Variants in WDR7 observed in about 807,000 individuals in gnomAD.
WDR7 encodes the protein WD repeat-containing protein 7.
In WDR7, 46 loss-of-function variants were observed where a neutral mutation model predicts 169.4. The observed-to-expected ratio is 0.27, with a 90% CI of 0.21 to 0.35. WDR7 has a LOEUF of 0.35. Ranked by LOEUF, WDR7 falls within the 10% of genes least tolerant of loss-of-function variation. The pLI is 1.00. For synonymous variants in WDR7, 612 were observed against 666.8 expected, an observed-to-expected ratio of 0.92 and a Z score of 1.27; for missense variants, 1,534 against 1,859.3, an observed-to-expected ratio of 0.83 and a Z score of 3.22.
chr18:56,996,098 A>G (rs1396151671), intron 26 of WDR7, among the ~76,000 whole-genome samples: 1 of 152,140 alleles, frequency 6.6e-6, no homozygotes, highest in African/African-American at 2.4e-5. Context: ...GTTTAGAAGT[A>G]TTTAATAAGG....
chr18:56,792,436 A>C (rs759581440), intron 19 of WDR7, among the ~76,000 whole-genome samples: 16 of 152,186 alleles, frequency 1.1e-4, no homozygotes, highest in Non-Finnish European at 2.2e-4. Context: ...CAGAGAGATC[A>C]CATAGCTTCT....
At chr18:56,924,145 T>C in intron 22 of WDR7, 37 bp downstream of exon 22, 1 of 1,602,580 alleles carries the variant, frequency 6.2e-7, no homozygotes, top group Non-Finnish European at 8.5e-7. Flanking sequence ...TTTGTCACTG[T>C]TTTTTGTTTT....
rs2045899931 is a variant in WDR7, at chr18:56,867,546, G to C, written c.3305-12398G>C. 2.0e-5 allele frequency among the ~76,000 whole-genome samples: 3 copies of C among 152,260 alleles called. No homozygotes were observed. In the South Asian group the frequency reaches 6.2e-4, roughly 32 times the overall value. ...CAAATCATTGGGAGGGAGATAGATAGGGAGGATTTTGAGGAAACGATTATG... is the reference window on the plus strand; with the variant it reads ...CAAATCATTGGGAGGGAGATAGATACGGAGGATTTTGAGGAAACGATTATG... On this transcript the variant is annotated intron_variant, in intron 20 of 27. Coordinates refer to ENST00000254442, the MANE Select transcript of WDR7 (RefSeq NM_015285.3).
intron 21 of WDR7, among the ~76,000 whole-genome samples, chr18:56,913,736 A>G (rs1418744694): frequency 6.6e-6 from 1 of 152,114 alleles, no homozygotes; most frequent in African/African-American, 2.4e-5. Flanking sequence ...TATAGGCTGC[A>G]GTGAACTGTG....
At position 56,939,365 on chromosome 18, in the gene WDR7, C is replaced by T. The variant is rs1298140873; in HGVS notation, c.4036C>T (p.Leu1346Phe). 1 of 1,577,436 alleles carries T rather than the reference C, an allele frequency of 6.3e-7. No homozygotes were observed. The highest frequency in any genetic ancestry group is 1.2e-5 in the South Asian group (1 of 83,588). Residue 1346 changes from leucine to phenylalanine, a missense_variant, in exon 25 of 28, where the codon CTT (leucine) becomes TTT (phenylalanine). Transcript: ENST00000254442. ...AGGATCTTTAGTTAAAAAGAAAGGT[C>T]TTCAAGAATGTTTCCCAGCCATCTG... ...LEGSLVKKKG[L>F]QECFPAICRF...
At chr18:56,985,440 A>G (rs1244239175) in intron 26 of WDR7, among the ~76,000 whole-genome samples, 1 of 152,144 alleles carries the variant, frequency 6.6e-6, no homozygotes, top group Non-Finnish European at 1.5e-5. Flanking sequence ...TGTGGTATAT[A>G]TTTGTTATAG....
intron 12 of WDR7, 144 bp from the exon 13 acceptor site, chr18:56,717,820 C>G (rs2026225613): frequency 1.6e-6 from 1 of 643,248 alleles, no homozygotes; most frequent in Non-Finnish European, 2.5e-6. Context: ...TATAAAGGAA[C>G]ATACTTTTCA....
At chr18:56,807,546 C>T (rs1330785021) in intron 19 of WDR7, among the ~76,000 whole-genome samples, 2 of 151,862 alleles carry the variant, frequency 1.3e-5, no homozygotes, top group Admixed American at 6.6e-5. Flanking sequence ...TTTATGCTAT[C>T]CCATTAATAT....
At chr18:56,713,137 T>C (rs1179655615) in intron 12 of WDR7, among the ~76,000 whole-genome samples, 3 of 152,206 alleles carry the variant, frequency 2.0e-5, no homozygotes, top group African/African-American at 7.2e-5. Context: ...GAAAAATCTC[T>C]TCATCGGCTA....
intron 21 of WDR7, among the ~76,000 whole-genome samples, chr18:56,923,678 C>A (rs1224052043): frequency 6.6e-6 from 1 of 152,180 alleles, no homozygotes; most frequent in Non-Finnish European, 1.5e-5. Context: ...TATATATACT[C>A]ATTTACGTAC....
At chr18:56,890,836 A>T (rs2145522499) in intron 21 of WDR7, 1 of 152,326 alleles carries the variant, frequency 6.6e-6, no homozygotes, top group South Asian at 2.1e-4. Context: ...TATCTTTGAA[A>T]ATCATCCTGG....
chr18:56,914,673 A>G (rs2043686), intron 21 of WDR7, among the ~76,000 whole-genome samples: 123,496 of 152,062 alleles, frequency 0.81, 50,610 homozygotes, highest in East Asian at 0.98. Flanking sequence ...CTCTTTGACC[A>G]CATAAACATC....
At position 56,880,017 on chromosome 18, in the gene WDR7, T is replaced by C. The variant is rs1242690707; in HGVS notation, c.3378T>C (p.Ala1126=). The C allele has an allele frequency of 6.2e-7, 1 of 1,614,028 alleles. No individual in the cohort carries two copies. Among genetic ancestry groups the C allele is most frequent in the African/African-American group, 1.3e-5 (1 of 74,938 alleles). ...AGGAAAGACGGAAGCAAGCTACCGCTATTGTTTTACTTGGAGTAATAGGAG... is the reference window on the plus strand; with the variant it reads ...AGGAAAGACGGAAGCAAGCTACCGCCATTGTTTTACTTGGAGTAATAGGAG... ...SYEERRKQAT[A]IVLLGVIGAE... Residue 1126 remains alanine, a synonymous_variant, in exon 21 of 28, where the codon GCT becomes GCC. Coordinates refer to ENST00000254442, the MANE Select transcript of WDR7 (RefSeq NM_015285.3).
chr18:56,818,914 T>C (rs944435212), intron 20 of WDR7, among the ~76,000 whole-genome samples: 21 of 152,352 alleles, frequency 1.4e-4, no homozygotes, highest in African/African-American at 4.3e-4. Flanking sequence ...AATTATATCA[T>C]GACAGGTATT....
chr18:56,708,722 G>C (rs2026017325), intron 12 of WDR7, among the ~76,000 whole-genome samples: 1 of 152,144 alleles, frequency 6.6e-6, no homozygotes, highest in Non-Finnish European at 1.5e-5. Context: ...ATCACCTGAG[G>C]TCAGGAGTTT....
chr18:57,006,513 TATC>T (rs1226153993), intron 26 of WDR7, among the ~76,000 whole-genome samples: 1 of 152,206 alleles, frequency 6.6e-6, no homozygotes, highest in Non-Finnish European at 1.5e-5. Context: ...TAGTTTTGCT[TATC>T]ATTAGGCAGT....
chr18:57,023,724 A>T (rs2048321348), intron 27 of WDR7, among the ~76,000 whole-genome samples: 1 of 152,204 alleles, frequency 6.6e-6, no homozygotes, highest in Non-Finnish European at 1.5e-5. Flanking sequence ...ACTTCTCTGT[A>T]TCCATTGGCA....
At chr18:56,790,977 T>C (rs1270730259) in intron 19 of WDR7, among the ~76,000 whole-genome samples, 1 of 152,214 alleles carries the variant, frequency 6.6e-6, no homozygotes, top group Non-Finnish European at 1.5e-5. Flanking sequence ...TTAGTGTTTT[T>C]GTAATTTTTC....
At chr18:56,810,734 G>A (rs8095560) in intron 19 of WDR7, among the ~76,000 whole-genome samples, 1,878 of 152,200 alleles carry the variant, frequency 0.012, 48 homozygotes, top group African/African-American at 0.043. Flanking sequence ...GGATACCTTG[G>A]TTGATCTGGA....
Sources: gnomAD v4.1 joint callset for allele counts (sites outside exome capture counted in the v4.1 genomes callset) on GRCh38, gnomAD v4.1.1 for gene constraint, MANE v1.5 for transcripts, NCBI Gene and HGNC (gene_info 2026-07-23, HGNC 2026-07-21) for gene names.